Variants in MYH11 observed in about 807,000 individuals in gnomAD.
The protein encoded by MYH11 is myosin-11.
In MYH11, 80 loss-of-function variants were observed where a neutral mutation model predicts 246.6. The ratio of observed to expected loss-of-function variants is 0.32; its 90% CI spans 0.27 to 0.39. The LOEUF (loss-of-function observed/expected upper bound fraction) is 0.39. Among genes scored for constraint, MYH11 ranks in the 10% least tolerant of loss-of-function variants. MYH11 has a pLI of 1.00. For synonymous variants in MYH11, 1,071 were observed against 1,015.5 expected, an observed-to-expected ratio of 1.05 and a Z score of -1.04; for missense variants, 2,158 against 2,546.8, an observed-to-expected ratio of 0.85 and a Z score of 3.29.
chr16:15,810,575 A>C (rs1006101298), intron 3 of MYH11, among the ~76,000 whole-genome samples: 12 of 152,146 alleles, frequency 7.9e-5, no homozygotes, highest in Non-Finnish European at 1.6e-4. Flanking sequence ...GCTGACAGCC[A>C]CTGCAAAACC....
At chr16:15,710,676 TTTTTG>T (rs2039732210) in intron 40 of MYH11, among the ~76,000 whole-genome samples, 1 of 150,364 alleles carries the variant, frequency 6.7e-6, no homozygotes, top group Admixed American at 6.7e-5. Flanking sequence ...CATCTGAGGG[TTTTTG>T]TTTTTTGTTT....
At chr16:15,748,332 C>A (rs948339707) in intron 16 of MYH11, among the ~76,000 whole-genome samples, 164 bp from the exon 17 acceptor site, 3 of 152,198 alleles carry the variant, frequency 2.0e-5, no homozygotes, top group Non-Finnish European at 2.9e-5. Flanking sequence ...GCAGTGCCCC[C>A]CTCTGGGTTT....
chr16:15,760,250 TGGACGGAC>T (rs1225631227), intron 11 of MYH11, among the ~76,000 whole-genome samples: 2 of 151,806 alleles, frequency 1.3e-5, no homozygotes, highest in Non-Finnish European at 2.9e-5. Context: ...GGGTGATGGA[TGGACGGAC>T]AGATGGACAG....
chr16:15,716,599 G>A (rs556260455), intron 38 of MYH11, among the ~76,000 whole-genome samples: 6 of 152,110 alleles, frequency 3.9e-5, no homozygotes, highest in Non-Finnish European at 7.3e-5. Flanking sequence ...TCGGCTCACT[G>A]CAACCTCCAC....
At chr16:15,721,271 C>T in intron 32 of MYH11, 151 bp downstream of exon 32, 2 of 1,024,416 alleles carry the variant, frequency 2.0e-6, no homozygotes, top group Non-Finnish European at 2.9e-6. Context: ...TCAGCCCCTC[C>T]CAGCCCCTGC....
chr16:15,717,259 C>G lies in MYH11; in HGVS notation c.5385G>C (p.Lys1795Asn), dbSNP rs776794802. Residue 1795 changes from lysine to asparagine, a missense_variant, in exon 38 of 41, where the codon AAG becomes AAC. Physicochemically the swap from Lys to Asn is moderately conservative, Grantham distance 94. Around this residue, in one of 11 missense-constraint regions of MYH11, gnomAD observed 1,013 missense variants for 993.5 expected, o/e 1.02. Coordinates refer to ENST00000300036, the MANE Select transcript of MYH11 (RefSeq NM_002474.3). ...TCTCGTGGAGCTTGCTCCGGAGCTC[C>G]TTGTTCTGCCGCTCGAGCTGCTGCC... Reference protein sequence around the residue: ...SARQQLERQNKELRSKLHEME... With the variant: ...SARQQLERQNNELRSKLHEME... 2 of 1,614,016 alleles carry G rather than the reference C, an allele frequency of 1.2e-6. No homozygotes were observed. The highest frequency in any genetic ancestry group is 1.7e-6 in the Non-Finnish European group (2 of 1,180,054).
intron 2 of MYH11, among the ~76,000 whole-genome samples, chr16:15,824,533 A>C (rs1417841407): frequency 6.6e-6 from 1 of 152,160 alleles, no homozygotes. Context: ...CGCCAGTCTC[A>C]GCCTCCCAAA....
At chr16:15,740,273 C>G (rs2041236243) in intron 22 of MYH11, 85 bp from the exon 23 acceptor site, 1 of 1,597,940 alleles carries the variant, frequency 6.3e-7, no homozygotes, top group Admixed American at 1.7e-5. Context: ...AATACAGGGG[C>G]TAGGCCTGAA....
chr16:15,856,215 AGTT>A (rs2044463506), intron 1 of MYH11, among the ~76,000 whole-genome samples: 2 of 136,158 alleles, frequency 1.5e-5, no homozygotes, highest in Admixed American at 7.4e-5. Context: ...AACCTGGGTG[AGTT>A]GTTTTTTTTT....
chr16:15,852,538 C>T (rs756279729), intron 1 of MYH11, among the ~76,000 whole-genome samples: 1 of 151,892 alleles, frequency 6.6e-6, no homozygotes, highest in Non-Finnish European at 1.5e-5. Flanking sequence ...TAGCAGAGAC[C>T]ATGTTGGCCA....
In MYH11 at chr16:15,745,152, G is replaced by T; in HGVS notation, c.2497C>A (p.Gln833Lys). Residue 833 changes from glutamine to lysine, a missense_variant, in exon 20 of 41, where the codon CAG becomes AAG. This residue lies in a region of MYH11 where 90 missense variants were observed against 144.2 expected (regional missense o/e 0.62). Coordinates refer to ENST00000300036, the MANE Select transcript of MYH11 (RefSeq NM_002474.3). ...CAAYLKLRNWQWWRLFTKVKP... is the reference protein window; with the variant it reads ...CAAYLKLRNWKWWRLFTKVKP... ...ACTTTGGTGAAAAGCCTCCACCACT[G>T]CCAGTTCCGCAGCTTGAGGTAGGCG... 1.2e-6 allele frequency: 2 copies of T among 1,614,088 alleles called. No individual in the cohort carries two copies. The highest frequency in any genetic ancestry group is 1.7e-6 in the Non-Finnish European group (2 of 1,179,992).
In MYH11 at chr16:15,703,687, G is replaced by C; in HGVS notation, c.*304C>G. On this transcript the variant is annotated 3_prime_UTR_variant, in exon 41 of 41. Transcript: ENST00000300036. ...CATTGCAGCCTCGAAGTCCTGGGCT[G>C]GAGCGTTCTTCCTGGCTCAGCCTCC... The C allele has an allele frequency of 2.2e-6, 1 of 456,422 alleles. No homozygotes were observed. 28.3% of individuals were successfully genotyped at this position (456,422 alleles called of 1,614,324 possible).
chr16:15,753,353 A>T (rs201409435), intron 15 of MYH11, 41 bp downstream of exon 15: 1 of 1,571,080 alleles, frequency 6.4e-7, no homozygotes, highest in Non-Finnish European at 8.8e-7. Context: ...TCAATTCTCC[A>T]GCTCAAAGCA....
Position 15,751,123 on chromosome 16 carries a change from A to C in MYH11, c.1865-792T>G, listed in dbSNP as rs531103025. On this transcript the variant is annotated intron_variant, in intron 15 of 40. Coordinates refer to ENST00000300036, the MANE Select transcript of MYH11 (RefSeq NM_002474.3). ...AAGTGCTCAACAAAAAGTAGGTATTATTATTATTATTATTATTATTATTAT... is the reference window on the plus strand; with the variant it reads ...AAGTGCTCAACAAAAAGTAGGTATTCTTATTATTATTATTATTATTATTAT... Among the ~76,000 whole-genome samples the C allele has an allele frequency of 5.1e-5, 5 of 97,376 alleles. No homozygotes were observed. The East Asian group carries it at 1.5e-3, about 28-fold the overall frequency. The allele number at this position is 97,376 out of a possible 152,430, so 63.9% of individuals were successfully genotyped here.
At position 15,724,686 on chromosome 16, in the gene MYH11, C is replaced by G. The variant is rs1227526466; in HGVS notation, c.4077G>C (p.Lys1359Asn). The G allele has an allele frequency of 6.2e-7, 1 of 1,614,182 alleles. No homozygotes were observed. Among genetic ancestry groups the G allele is most frequent in the Admixed American group, 1.7e-5 (1 of 60,022 alleles). ...TGGAGATGTGGCGCTCCAGGTTCTG[C>G]TTGGCCTCCATCTCCTCGTCCAGCT... ...QDQLDEEMEA[K>N]QNLERHISTL... The change falls in exon 30 of 41, where the codon AAG becomes AAC. Residue 1359 changes from lysine (K) to asparagine (N), a missense_variant. Coordinates refer to ENST00000300036, the MANE Select transcript of MYH11 (RefSeq NM_002474.3).
chr16:15,779,311 A>T, intron 6 of MYH11: 1 of 220,128 alleles, frequency 4.5e-6, no homozygotes. Context: ...GCTAATTTTT[A>T]AATTTTTTTT....
intron 14 of MYH11, 31 bp from the exon 15 acceptor site, chr16:15,753,539 C>T (rs750871806): frequency 8.3e-6 from 13 of 1,572,080 alleles, no homozygotes; most frequent in Non-Finnish European, 1.1e-5. Flanking sequence ...GTCAGAACCC[C>T]TGGGAAACTA....
intron 3 of MYH11, among the ~76,000 whole-genome samples, chr16:15,800,580 A>G: frequency 6.7e-6 from 1 of 149,100 alleles, no homozygotes; most frequent in East Asian, 2.0e-4. Flanking sequence ...GACAGAGTGT[A>G]TAGGCCGGTA....
At chr16:15,836,793 C>T (rs539197503) in intron 2 of MYH11, among the ~76,000 whole-genome samples, 2 of 134,958 alleles carry the variant, frequency 1.5e-5, no homozygotes, top group South Asian at 2.4e-4. Flanking sequence ...GGCACCATCT[C>T]GGCTCACTGC....
Sources: gnomAD v4.1 joint callset for allele counts (sites outside exome capture counted in the v4.1 genomes callset) on GRCh38, gnomAD v4.1.1 for gene constraint, gnomAD v4.1.1 regional missense constraint, MANE v1.5 for transcripts, NCBI Gene and HGNC (gene_info 2026-07-23, HGNC 2026-07-21) for gene names.